Variants in LSR observed in about 807,000 individuals in gnomAD.
LSR encodes the protein lipolysis-stimulated lipoprotein receptor.
A neutral mutation model predicts 61.8 loss-of-function variants in LSR; 44 were observed. The ratio of observed to expected loss-of-function variants is 0.71; its 90% CI spans 0.56 to 0.91. The LOEUF is 0.91. LSR is among the 40% of genes least tolerant of loss of function. The pLI, the probability that LSR is intolerant of heterozygous loss-of-function variation, is 0.00. For synonymous variants in LSR, 397 were observed against 350.6 expected (o/e 1.13, Z -1.48); for missense variants, 911 against 830.5 (o/e 1.10, Z -1.19).
At chr19:35,261,297 G>A (rs1380439100) in intron 3 of LSR, among the ~76,000 whole-genome samples, 1 of 151,996 alleles carries the variant, frequency 6.6e-6, no homozygotes, top group Non-Finnish European at 1.5e-5. Flanking sequence ...GTCCCTTCCT[G>A]TTTTAAAAAA....
At chr19:35,258,232 G>A (rs549458247) in intron 2 of LSR, among the ~76,000 whole-genome samples, 9 of 152,162 alleles carry the variant, frequency 5.9e-5, no homozygotes, top group African/African-American at 2.2e-4. Flanking sequence ...GATCACCTGA[G>A]GTCTGGAGTT....
In LSR at chr19:35,266,544, G is replaced by A; in HGVS notation, c.952+12G>A. The A allele has an allele frequency of 6.3e-7, 1 of 1,598,196 alleles. No homozygotes were observed. The highest frequency in any genetic ancestry group is 1.1e-5 in the South Asian group (1 of 89,162). On this transcript the variant is annotated intron_variant, in intron 6 of 9. Transcript: ENST00000605618. Reference sequence around the variant, plus strand: ...CAGGAGTAGCTCAGGTGAGGCCGGGGGAAGCAGGAACAGCTGGTGGGAGTG... The same window carrying A: ...CAGGAGTAGCTCAGGTGAGGCCGGGAGAAGCAGGAACAGCTGGTGGGAGTG...
intron 5 of LSR, among the ~76,000 whole-genome samples, chr19:35,265,270 C>T (rs1013102110): frequency 6.6e-6 from 1 of 152,158 alleles, no homozygotes. Flanking sequence ...AGGGCCAGGA[C>T]TAAATGCTGG....
rs956284991 is a variant in LSR, at chr19:35,266,841, C to T, written c.1018C>T (p.Arg340Cys). The change falls in exon 8 of 10, where the codon CGC becomes TGC. Residue 340 changes from arginine (R) to cysteine (C), a missense_variant. By Grantham distance (180) the Arg-to-Cys change is radical. Coordinates refer to ENST00000605618, the MANE Select transcript of LSR (RefSeq NM_205834.4). ...DTDSSVASEV[R>C]SGYRIQASQQ... ...CACCACCCCCCTGTCCCTAGAAGTC[C>T]GCAGTGGCTACAGGATTCAGGCCAG... 12 of 1,607,888 alleles carry T rather than the reference C, an allele frequency of 7.5e-6. No homozygotes were observed. Among genetic ancestry groups the T allele is most frequent in the Admixed American group, 6.8e-5 (4 of 59,138 alleles).
intron 2 of LSR, 136 bp downstream of exon 2, chr19:35,250,795 C>CTTTTTTT (rs564341537): frequency 2.5e-6 from 1 of 394,482 alleles, no homozygotes; most frequent in African/African-American, 2.3e-5. Flanking sequence ...GGGAGCAATT[C>CTTTTTTT]TTTTTTTTTT....
In LSR at chr19:35,260,333, C is replaced by T. The variant is rs2065911291; in HGVS notation, c.574+1269C>T. On this transcript the variant is annotated intron_variant, in intron 3 of 9. Transcript: ENST00000605618. ...TTGAGATGGAGTCTCGTTCTGTCGCCCAGGCTGGAGTGCAGTGGCTCGATC... is the reference window on the plus strand; with the variant it reads ...TTGAGATGGAGTCTCGTTCTGTCGCTCAGGCTGGAGTGCAGTGGCTCGATC... Among the ~76,000 whole-genome samples, 4 of 145,136 alleles carry T rather than the reference C, an allele frequency of 2.8e-5. No individual in the cohort carries two copies. The South Asian group carries it at 8.9e-4, about 32-fold the overall frequency.
rs1169730957 is a variant in LSR at position 35,258,988 on chromosome 19, T to G, written c.498T>G (p.Gly166=). 3.7e-6 allele frequency: 6 copies of G among 1,613,778 alleles called. No homozygotes were observed. Among genetic ancestry groups the G allele is most frequent in the East Asian group, 2.2e-5 (1 of 44,870 alleles). ...ACCAGACGGCGTGGGGGGACAGTGG[T>G]GTGTATTACTGCTCCGTGGTCTCAG... ...TFDQTAWGDS[G]VYYCSVVSAQ... The change falls in exon 3 of 10, where the codon GGT becomes GGG. Residue 166 remains glycine, a synonymous_variant. Coordinates refer to ENST00000605618, the MANE Select transcript of LSR (RefSeq NM_205834.4).
Position 35,266,975 on chromosome 19 carries a change from G to C in LSR, c.1144+8G>C, listed in dbSNP as rs778003405. ...GTGGCCGTGTGGAGCGGGGTAAGCA[G>C]GAGCCTTGGGGTCTGAGGGCTTTTA... On this transcript the variant is annotated splice_region_variant and intron_variant, in intron 8 of 9. Transcript: ENST00000605618. 3.7e-6 allele frequency: 6 copies of C among 1,605,142 alleles called. No individual in the cohort carries two copies. The South Asian group carries it at 6.7e-5, about 18-fold the overall frequency.
intron 2 of LSR, among the ~76,000 whole-genome samples, chr19:35,258,194 A>G (rs1418496266): frequency 1.3e-5 from 2 of 152,148 alleles, no homozygotes. Context: ...CTGTAATCCC[A>G]GCACTTTGGG....
At chr19:35,266,282 C>T in intron 5 of LSR, 77 bp from the exon 6 acceptor site, 6 of 1,237,638 alleles carry the variant, frequency 4.8e-6, no homozygotes, top group Non-Finnish European at 6.7e-6. Flanking sequence ...AGGCCCAGGT[C>T]CCTCCGGAAC....
At chr19:35,260,202 C>T (rs1331452578) in intron 3 of LSR, among the ~76,000 whole-genome samples, 2 of 151,784 alleles carry the variant, frequency 1.3e-5, no homozygotes, top group African/African-American at 2.4e-5. Flanking sequence ...AAAACATTAT[C>T]GAGGGTCTCC....
Position 35,267,870 on chromosome 19 carries a change from T to C in LSR, c.*11T>C. The C allele has an allele frequency of 6.2e-7, 1 of 1,613,204 alleles. No homozygotes were observed. The highest frequency in any genetic ancestry group is 8.5e-7 in the Non-Finnish European group (1 of 1,179,682). On this transcript the variant is annotated 3_prime_UTR_variant, in exon 10 of 10. Coordinates refer to ENST00000605618, the MANE Select transcript of LSR (RefSeq NM_205834.4). ...AGTTTAGTCGTCTGATCTGACGTTT[T>C]CTACGTAGCTTTTGTATTTTTTTTT...
At chr19:35,263,855 GGAGTA>G (rs2065962816) in intron 5 of LSR, among the ~76,000 whole-genome samples, 1 of 151,322 alleles carries the variant, frequency 6.6e-6, no homozygotes, top group Admixed American at 6.6e-5. Context: ...CGCCCAGGCT[GGAGTA>G]AAGTGGCGTG....
rs200926754 is a variant in LSR at position 35,261,990 on chromosome 19, G to T, written c.631+9G>T. On this transcript the variant is annotated intron_variant, in intron 4 of 9. Coordinates refer to ENST00000605618, the MANE Select transcript of LSR (RefSeq NM_205834.4). ...GGCGGGGCCCATAGAAGGTACGGGG[G>T]GTGGATCCTGAGTTGGGCTTCTCGG... 1.1e-4 allele frequency: 163 copies of T among 1,519,024 alleles called. No individual in the cohort carries two copies. The African/African-American group carries it at 2.0e-3, about 18-fold the overall frequency. The allele number at this position is 1,519,024 out of a possible 1,614,324, so 94.1% of individuals were successfully genotyped here. A position where few individuals can be genotyped will look rare whatever the true frequency, so the allele number is the denominator to read the frequency against.
intron 5 of LSR, among the ~76,000 whole-genome samples, chr19:35,264,956 A>G (rs2065977806): frequency 6.6e-6 from 1 of 152,162 alleles, no homozygotes; most frequent in African/African-American, 2.4e-5. Flanking sequence ...ACCCCAGAGA[A>G]GCAGCCTTCC....
In LSR at chr19:35,267,418, A is replaced by T; in HGVS notation, c.1454A>T (p.Asp485Val). The T allele has an allele frequency of 6.2e-7, 1 of 1,609,908 alleles. No individual in the cohort carries two copies. The highest frequency in any genetic ancestry group is 8.5e-7 in the Non-Finnish European group (1 of 1,179,102). ...CCCCCGCGGAGCCGCAGCCGGGACGACCTCTATGACCAAGACGACTCGAGG... is the reference window on the plus strand; with the variant it reads ...CCCCCGCGGAGCCGCAGCCGGGACGTCCTCTATGACCAAGACGACTCGAGG... Reference protein sequence around the residue: ...YMPPRSRSRDDLYDQDDSRDF... With the variant: ...YMPPRSRSRDVLYDQDDSRDF... The change falls in exon 9 of 10, where the codon GAC becomes GTC. Residue 485 changes from aspartate to valine, a missense_variant. Asp to Val is a radical substitution (Grantham distance 152). Transcript: ENST00000605618.
At chr19:35,262,472 C>T in intron 4 of LSR, 74 bp from the exon 5 acceptor site, 1 of 1,544,028 alleles carries the variant, frequency 6.5e-7, no homozygotes, top group Admixed American at 1.7e-5. Context: ...GGCTCCGCAC[C>T]ATGTACCCCT....
chr19:35,249,159 C>T (rs1189499738), intron 1 of LSR, 28 bp downstream of exon 1: 2 of 1,515,596 alleles, frequency 1.3e-6, no homozygotes, highest in Non-Finnish European at 1.8e-6. Context: ...TCTGACGCTG[C>T]GGAACGCCGG....
intron 3 of LSR, among the ~76,000 whole-genome samples, chr19:35,261,314 T>A (rs1418458841): frequency 6.6e-6 from 1 of 152,196 alleles, no homozygotes; most frequent in East Asian, 1.9e-4. Context: ...AAAAAATGTG[T>A]GATTATGTTG....
Sources: gnomAD v4.1 joint callset for allele counts (sites outside exome capture counted in the v4.1 genomes callset) on GRCh38, gnomAD v4.1.1 for gene constraint, MANE v1.5 for transcripts, NCBI Gene and HGNC (gene_info 2026-07-23, HGNC 2026-07-21) for gene names.